Variants in EXT1 observed in about 807,000 individuals in gnomAD.
EXT1 encodes the protein exostosin-1.
Under a neutral mutation model 82.5 loss-of-function variants are expected in EXT1, and 20 were observed. That is an observed-to-expected ratio of 0.24 (90% confidence interval 0.17 to 0.35). The LOEUF (loss-of-function observed/expected upper bound fraction) is 0.35, where lower values mean the gene tolerates loss of function less well. Ranked by LOEUF, EXT1 falls within the 10% of genes least tolerant of loss-of-function variation. EXT1 has a pLI of 1.00. For synonymous variants in EXT1, 348 were observed against 350.8 expected, an observed-to-expected ratio of 0.99 and a Z score of 0.09; for missense variants, 757 against 936.5, an observed-to-expected ratio of 0.81 and a Z score of 2.50.
At chr8:117,935,556 T>G (rs1445776957) in intron 1 of EXT1, among the ~76,000 whole-genome samples, 2 of 151,972 alleles carry the variant, frequency 1.3e-5, no homozygotes, top group Non-Finnish European at 2.9e-5. Context: ...AGACAGGATC[T>G]CCCTATGTTG....
In EXT1 at chr8:117,797,847, T is replaced by C. The variant is rs866748953; in HGVS notation, c.*1865A>G. ...AGAATGGACTATGGATGGGTCCAAT[T>C]AGATGAGAGAGGTATTTAGGGAGCT... On this transcript the variant is annotated 3_prime_UTR_variant, in exon 11 of 11. Transcript: ENST00000378204. The C allele has an allele frequency of 6.6e-6, 1 of 152,208 alleles. No individual in the cohort carries two copies. The highest frequency in any genetic ancestry group is 1.5e-5 in the Non-Finnish European group (1 of 68,040). The allele number at this position is 152,208 out of a possible 1,614,324, so 9.4% of individuals were successfully genotyped here.
At chr8:117,802,845 C>T (rs1244785673) in intron 10 of EXT1, among the ~76,000 whole-genome samples, 2 of 152,202 alleles carry the variant, frequency 1.3e-5, no homozygotes, top group Admixed American at 6.5e-5. Context: ...ACAGCTCTTT[C>T]ATCATAACCA....
At chr8:118,055,252 T>G (rs1354939245) in intron 1 of EXT1, among the ~76,000 whole-genome samples, 1 of 152,258 alleles carries the variant, frequency 6.6e-6, no homozygotes, top group Non-Finnish European at 1.5e-5. Context: ...CTATACATTC[T>G]TTCTTCTCTG....
intron 1 of EXT1, among the ~76,000 whole-genome samples, chr8:118,045,706 TC>T (rs2129912905): frequency 6.6e-6 from 1 of 151,834 alleles, no homozygotes; most frequent in South Asian, 2.1e-4. Context: ...CGTATCTGAG[TC>T]CTCACACCAA....
intron 1 of EXT1, among the ~76,000 whole-genome samples, chr8:117,950,815 A>C (rs1293927695): frequency 1.3e-5 from 2 of 152,218 alleles, no homozygotes; most frequent in African/African-American, 4.8e-5. Flanking sequence ...CCTAACCAGG[A>C]GCTTTCTGTA....
chr8:117,804,979 C>A, intron 9 of EXT1, 86 bp from the exon 10 acceptor site: 1 of 1,202,902 alleles, frequency 8.3e-7, no homozygotes, highest in Non-Finnish European at 1.2e-6. Context: ...CATACCCATT[C>A]TTTGAATCCC....
chr8:117,866,101 T>C (rs1256031898), intron 1 of EXT1, among the ~76,000 whole-genome samples: 2 of 152,090 alleles, frequency 1.3e-5, no homozygotes, highest in East Asian at 1.9e-4. Context: ...GGCACGTGCC[T>C]GTAATCCCAG....
intron 1 of EXT1, among the ~76,000 whole-genome samples, chr8:118,100,333 A>C (rs1041242492): frequency 7.2e-5 from 11 of 152,172 alleles, no homozygotes; most frequent in African/African-American, 2.7e-4. Context: ...GGTAGCCCAA[A>C]TGATTTTCGG....
At chr8:117,830,787 G>T (rs538872623) in intron 3 of EXT1, among the ~76,000 whole-genome samples, 1 of 152,250 alleles carries the variant, frequency 6.6e-6, no homozygotes, top group Admixed American at 6.5e-5. Context: ...TCTATAAAAG[G>T]ACTTTTTAGA....
In EXT1 at chr8:117,823,681, A is replaced by C. The variant is rs1026322735; in HGVS notation, c.1285-1084T>G. ...TCATCTCATTCCACATGGTGACTAG[A>C]TAAGTAATAAAGTGGGCTACATTTA... On this transcript the variant is annotated intron_variant, in intron 4 of 10. Coordinates refer to ENST00000378204, the MANE Select transcript of EXT1 (RefSeq NM_000127.3). 9.9e-5 allele frequency among the ~76,000 whole-genome samples: 15 copies of C among 152,150 alleles called. 1 individual carries two copies. Among genetic ancestry groups the C allele is most frequent in the African/African-American group, 3.4e-4 (14 of 41,454 alleles).
chr8:117,848,886 A>AC (rs992568310), intron 1 of EXT1, among the ~76,000 whole-genome samples: 11 of 152,018 alleles, frequency 7.2e-5, no homozygotes, highest in East Asian at 3.9e-4. Flanking sequence ...TTCAAATGTC[A>AC]CCCCCCCAGT....
intron 1 of EXT1, among the ~76,000 whole-genome samples, chr8:117,960,836 GTGTT>G (rs1291105296): frequency 6.6e-6 from 1 of 152,154 alleles, no homozygotes; most frequent in Non-Finnish European, 1.5e-5. Context: ...ATTTGTGTGA[GTGTT>G]AGTGCACTGA....
At chr8:117,918,378 A>G (rs1222643842) in intron 1 of EXT1, among the ~76,000 whole-genome samples, 1 of 152,240 alleles carries the variant, frequency 6.6e-6, no homozygotes, top group Non-Finnish European at 1.5e-5. Context: ...GGCTCAATGT[A>G]GACAGTAACA....
chr8:118,101,981 A>G (rs944275010), intron 1 of EXT1, among the ~76,000 whole-genome samples: 5 of 152,098 alleles, frequency 3.3e-5, no homozygotes, highest in African/African-American at 1.2e-4. Flanking sequence ...TAAATATGTA[A>G]GAAGGCTGGG....
chr8:117,832,775 A>G (rs115242738), intron 3 of EXT1, among the ~76,000 whole-genome samples: 397 of 152,316 alleles, frequency 2.6e-3, no homozygotes, highest in Middle Eastern at 0.01. Flanking sequence ...GACAACTCCA[A>G]TTGATTGAAA....
intron 1 of EXT1, among the ~76,000 whole-genome samples, chr8:117,957,050 G>A (rs1334763401): frequency 6.6e-6 from 1 of 152,214 alleles, no homozygotes; most frequent in Non-Finnish European, 1.5e-5. Flanking sequence ...GGAACCATCT[G>A]ATAGTTCCGG....
chr8:118,093,266 A>C, intron 1 of EXT1, among the ~76,000 whole-genome samples: 1 of 75,430 alleles, frequency 1.3e-5, no homozygotes, highest in East Asian at 2.7e-4. Context: ...AAAAATTCCC[A>C]GCAAAAAAAA....
chr8:117,900,010 T>C (rs971368422), intron 1 of EXT1, among the ~76,000 whole-genome samples: 32 of 152,204 alleles, frequency 2.1e-4, no homozygotes, highest in African/African-American at 7.2e-4. Context: ...TGCCAGGTGT[T>C]GGTCTAAGAG....
At chr8:117,918,092 C>A (rs1813788465) in intron 1 of EXT1, among the ~76,000 whole-genome samples, 1 of 152,136 alleles carries the variant, frequency 6.6e-6, no homozygotes, top group Admixed American at 6.5e-5. Context: ...AGCTTCAAAG[C>A]CTCCCGTAAT....
Sources: gnomAD v4.1 joint callset for allele counts (sites outside exome capture counted in the v4.1 genomes callset) on GRCh38, gnomAD v4.1.1 for gene constraint, MANE v1.5 for transcripts, NCBI Gene and HGNC (gene_info 2026-07-23, HGNC 2026-07-21) for gene names.